Variants in SLC35F1 observed in about 807,000 individuals in gnomAD.
SLC35F1 encodes the protein solute carrier family 35 member F1.
A neutral mutation model predicts 48.7 loss-of-function variants in SLC35F1; 14 were observed. The observed-to-expected ratio is 0.29, with a 90% CI of 0.19 to 0.45. SLC35F1 has a LOEUF of 0.45. Ranked by LOEUF, SLC35F1 falls within the 20% of genes least tolerant of loss-of-function variation. The probability of loss-of-function intolerance (pLI) is 1.00; values close to 1 mark genes in which losing one functional copy is unlikely to be tolerated. For missense variants in SLC35F1, 404 were observed against 500.0 expected (o/e 0.81, Z 1.83); for synonymous variants, 190 against 202.2 (o/e 0.94, Z 0.51).
intron 1 of SLC35F1, among the ~76,000 whole-genome samples, chr6:118,007,698 C>T (rs924137058): frequency 6.6e-6 from 1 of 151,920 alleles, no homozygotes; most frequent in East Asian, 1.9e-4. Flanking sequence ...AAACAAACAC[C>T]CATTTATTAT....
At chr6:117,966,582 C>G (rs943147831) in intron 1 of SLC35F1, among the ~76,000 whole-genome samples, 4 of 152,290 alleles carry the variant, frequency 2.6e-5, no homozygotes. Context: ...AGAACTGTAA[C>G]ACTCACCACG....
chr6:118,245,349 C>G (rs1775493519), intron 3 of SLC35F1, among the ~76,000 whole-genome samples: 1 of 152,148 alleles, frequency 6.6e-6, no homozygotes, highest in Non-Finnish European at 1.5e-5. Context: ...ACATCACAAC[C>G]CCCACACTCA....
intron 3 of SLC35F1, among the ~76,000 whole-genome samples, chr6:118,242,646 A>G (rs536883820): frequency 9.2e-4 from 140 of 152,326 alleles, no homozygotes; most frequent in African/African-American, 3.2e-3. Context: ...AAGCTACGCT[A>G]TTTTTATAAC....
intron 1 of SLC35F1, among the ~76,000 whole-genome samples, chr6:117,952,059 T>C (rs1350412788): frequency 6.6e-6 from 1 of 152,120 alleles, no homozygotes; most frequent in African/African-American, 2.4e-5. Flanking sequence ...TGCTGCAGCA[T>C]TAATGAATGT....
chr6:118,092,467 G>A (rs539247046), intron 1 of SLC35F1, among the ~76,000 whole-genome samples: 2 of 152,378 alleles, frequency 1.3e-5, no homozygotes, highest in South Asian at 4.1e-4. Flanking sequence ...CTATGTGAAA[G>A]GGAAATGTGG....
chr6:118,048,801 T>C lies in SLC35F1; in HGVS notation c.174-105644T>C, dbSNP rs550054361. Among the ~76,000 whole-genome samples, 357 of 152,322 alleles carry C rather than the reference T, an allele frequency of 2.3e-3. 1 individual carries two copies. Among genetic ancestry groups the C allele is most frequent in the African/African-American group, 8.1e-3 (335 of 41,584 alleles). ...TGGCCATACTGCCCAAGGCAATTTA[T>C]AGATTCAATGCCATCCCCATCAAGC... On this transcript the variant is annotated intron_variant, in intron 1 of 7. Coordinates refer to ENST00000360388, the MANE Select transcript of SLC35F1 (RefSeq NM_001029858.4).
At chr6:118,087,981 AG>A (rs966755734) in intron 1 of SLC35F1, among the ~76,000 whole-genome samples, 21 of 152,350 alleles carry the variant, frequency 1.4e-4, no homozygotes, top group African/African-American at 5.0e-4. Context: ...TTATAGATTT[AG>A]AATAGCAATC....
chr6:117,968,940 G>A (rs1376189099), intron 1 of SLC35F1, among the ~76,000 whole-genome samples: 1 of 152,148 alleles, frequency 6.6e-6, no homozygotes, highest in Non-Finnish European at 1.5e-5. Context: ...TCTGTCTGTT[G>A]TATAAGTTCT....
Position 117,956,782 on chromosome 6 carries a change from T to C in SLC35F1, c.173+48883T>C, listed in dbSNP as rs146363051. Among the ~76,000 whole-genome samples, 4 of 152,320 alleles carry C rather than the reference T, an allele frequency of 2.6e-5. No homozygotes were observed. In the East Asian group the frequency reaches 7.7e-4, roughly 29 times the overall value. On this transcript the variant is annotated intron_variant, in intron 1 of 7. Transcript: ENST00000360388. ...GGTAGGTTAGGATTTCAGCAGAGAC[T>C]GTGGACAGTTAATATTTAGGCAAAT...
intron 1 of SLC35F1, among the ~76,000 whole-genome samples, chr6:118,043,695 A>C (rs201321392): frequency 2.6e-5 from 2 of 77,552 alleles, no homozygotes; most frequent in Non-Finnish European, 6.7e-5. Flanking sequence ...ACGCCCTCAC[A>C]CTCAATCCTC....
At chr6:117,973,826 C>A (rs1431396723) in intron 1 of SLC35F1, among the ~76,000 whole-genome samples, 2 of 152,110 alleles carry the variant, frequency 1.3e-5, no homozygotes, top group African/African-American at 4.8e-5. Flanking sequence ...GAAGGATGAC[C>A]AGAAGTACCT....
At chr6:117,979,401 A>G (rs2114848966) in intron 1 of SLC35F1, among the ~76,000 whole-genome samples, 1 of 152,338 alleles carries the variant, frequency 6.6e-6, no homozygotes, top group East Asian at 1.9e-4. Context: ...ACTGTGGTGT[A>G]AAGCAAATAT....
At chr6:118,263,572 T>C (rs1361882298) in intron 3 of SLC35F1, among the ~76,000 whole-genome samples, 2 of 152,176 alleles carry the variant, frequency 1.3e-5, no homozygotes, top group African/African-American at 2.4e-5. Flanking sequence ...ATAATATTTG[T>C]TTATTTTTTC....
intron 3 of SLC35F1, among the ~76,000 whole-genome samples, chr6:118,261,796 G>A (rs1200239393): frequency 6.6e-6 from 1 of 152,110 alleles, no homozygotes; most frequent in African/African-American, 2.4e-5. Context: ...CGATGACCCA[G>A]AGGACTTCCT....
In SLC35F1 at chr6:117,907,484, G is replaced by GGC. The variant is rs1562233828; in HGVS notation, c.-242_-241insCG. The GGC allele has an allele frequency of 4.0e-4, 106 of 267,608 alleles. No homozygotes were observed. Among genetic ancestry groups the GGC allele is most frequent in the African/African-American group, 2.3e-3 (100 of 44,356 alleles). 16.6% of individuals were successfully genotyped at this position (267,608 alleles called of 1,614,324 possible). ...GACGCGGCTCGGGAAGAGCCGGGGC[G>GGC]GGCGGCGGCGGCGGCGGCACGGGCG... On this transcript the variant is annotated 5_prime_UTR_variant, in exon 1 of 8. Coordinates refer to ENST00000360388, the MANE Select transcript of SLC35F1 (RefSeq NM_001029858.4).
At chr6:118,150,013 AT>A (rs1774031971) in intron 1 of SLC35F1, among the ~76,000 whole-genome samples, 1 of 152,194 alleles carries the variant, frequency 6.6e-6, no homozygotes, top group African/African-American at 2.4e-5. Context: ...TAGCATAATA[AT>A]TAAAAAGTTG....
chr6:118,045,685 A>G (rs1004526203), intron 1 of SLC35F1, among the ~76,000 whole-genome samples: 2 of 152,194 alleles, frequency 1.3e-5, no homozygotes, highest in Non-Finnish European at 2.9e-5. Flanking sequence ...AAGGGACAGT[A>G]TCAAAATGCA....
At chr6:118,239,496 T>G (rs1448394535) in intron 3 of SLC35F1, among the ~76,000 whole-genome samples, 4 of 38,322 alleles carry the variant, frequency 1.0e-4, no homozygotes, top group Non-Finnish European at 1.9e-4. Flanking sequence ...ATAGTTGGCT[T>G]TTTTTTTTCT....
chr6:118,269,694 T>A (rs1307461648), intron 4 of SLC35F1, among the ~76,000 whole-genome samples: 1 of 152,130 alleles, frequency 6.6e-6, no homozygotes, highest in African/African-American at 2.4e-5. Context: ...ACAAAACTTT[T>A]CTAAAATACT....
Sources: allele counts gnomAD v4.1 joint callset (sites outside exome capture counted in the v4.1 genomes callset), GRCh38; gene constraint gnomAD v4.1.1; transcripts MANE v1.5; gene names NCBI Gene and HGNC (gene_info 2026-07-23, HGNC 2026-07-21).